The following PLEKHA5 variants were observed in gnomAD, a reference collection of about 807,000 sequenced individuals.
PLEKHA5 encodes the protein pleckstrin homology domain containing A5.
PLEKHA5 carries 55 observed loss-of-function variants against 181.9 expected under a neutral mutation model. The observed-to-expected ratio is 0.30, with a 90% CI of 0.24 to 0.38. PLEKHA5 has a LOEUF of 0.38. Among genes scored for constraint, PLEKHA5 ranks in the 10% least tolerant of loss-of-function variants. The pLI, the probability that PLEKHA5 is intolerant of heterozygous loss-of-function variation, is 1.00. For missense variants in PLEKHA5, 1,432 were observed against 1,549.5 expected, an observed-to-expected ratio of 0.92 and a Z score of 1.27; for synonymous variants, 535 against 529.4, an observed-to-expected ratio of 1.01 and a Z score of -0.15.
chr12:19,352,804 T>G (rs1040457032), intron 25 of PLEKHA5, among the ~76,000 whole-genome samples: 1 of 152,014 alleles, frequency 6.6e-6, no homozygotes, highest in African/African-American at 2.4e-5. Flanking sequence ...TTTTTTTGTT[T>G]TAAGGAGACA....
chr12:19,372,401 G>GTTT (rs968115181), intron 31 of PLEKHA5: 1 of 145,118 alleles, frequency 6.9e-6, no homozygotes, highest in South Asian at 2.2e-4. Flanking sequence ...ATTTGTTTTT[G>GTTT]TTTTTTTTTT....
intron 21 of PLEKHA5, among the ~76,000 whole-genome samples, chr12:19,342,770 C>A (rs928628241): frequency 2.0e-5 from 3 of 151,884 alleles, no homozygotes; most frequent in African/African-American, 7.3e-5. Context: ...GAGCAAGACT[C>A]TGTCTCAAAA....
At chr12:19,173,275 G>A (rs958543924) in intron 3 of PLEKHA5, among the ~76,000 whole-genome samples, 3 of 150,080 alleles carry the variant, frequency 2.0e-5, no homozygotes, top group Admixed American at 6.6e-5. Flanking sequence ...CACCCGCCTC[G>A]GCCTCCCAAA....
rs112124342 is a variant in PLEKHA5 at position 19,267,265 on chromosome 12, A to G, written c.711+1415A>G. ...GAAGTGCTGCTGGTTAACAATGAAC[A>G]TGTTTGTACCATTATAAAATTGATT... On this transcript the variant is annotated intron_variant, in intron 8 of 31. Coordinates refer to ENST00000429027, the MANE Select transcript of PLEKHA5 (RefSeq NM_001256470.2). Among the ~76,000 whole-genome samples the G allele has an allele frequency of 5.2e-3, 797 of 152,280 alleles. 4 individuals carry two copies. Among genetic ancestry groups the G allele is most frequent in the African/African-American group, 0.018 (764 of 41,566 alleles).
At chr12:19,354,771 C>T (rs1401246424) in intron 26 of PLEKHA5, among the ~76,000 whole-genome samples, 1 of 152,156 alleles carries the variant, frequency 6.6e-6, no homozygotes, top group African/African-American at 2.4e-5. Context: ...CGTGAGCCAC[C>T]GCGCCCGGCC....
intron 11 of PLEKHA5, among the ~76,000 whole-genome samples, chr12:19,282,679 A>T (rs1027033803): frequency 6.6e-6 from 1 of 152,222 alleles, no homozygotes; most frequent in Non-Finnish European, 1.5e-5. Flanking sequence ...AATAAAATAT[A>T]GTGACAGAAT....
chr12:19,323,854 A>G (rs2091499009), intron 20 of PLEKHA5, among the ~76,000 whole-genome samples: 1 of 151,690 alleles, frequency 6.6e-6, no homozygotes, highest in Non-Finnish European at 1.5e-5. Flanking sequence ...ACGTAACAGA[A>G]CCGTGTAACT....
intron 13 of PLEKHA5, among the ~76,000 whole-genome samples, chr12:19,289,944 T>TTTTA (rs1565573168): frequency 6.6e-6 from 1 of 151,830 alleles, no homozygotes; most frequent in Non-Finnish European, 1.5e-5. Context: ...TTATTTATTT[T>TTTTA]TTTATTTATT....
At position 19,328,796 on chromosome 12, in the gene PLEKHA5, A is replaced by G. The variant is rs535103325; in HGVS notation, c.2448+6129A>G. On this transcript the variant is annotated intron_variant, in intron 20 of 31. Transcript: ENST00000429027. ...ATTGTCCGTGAAGAGAGGTAATTTG[A>G]CTTCTTTTCCTATTTGGATGCATTT... Among the ~76,000 whole-genome samples, 8 of 151,954 alleles carry G rather than the reference A, an allele frequency of 5.3e-5. No homozygotes were observed. The South Asian group carries it at 1.5e-3, about 28-fold the overall frequency.
intron 15 of PLEKHA5, among the ~76,000 whole-genome samples, chr12:19,303,993 A>T (rs2082365142): frequency 6.7e-6 from 1 of 150,294 alleles, no homozygotes; most frequent in East Asian, 2.0e-4. Flanking sequence ...TTTTTTGTAG[A>T]GGGGGGGGTT....
Position 19,226,498 on chromosome 12 carries a change from A to G in PLEKHA5, c.228-27442A>G, listed in dbSNP as rs181636111. Among the ~76,000 whole-genome samples the G allele has an allele frequency of 9.2e-5, 14 of 152,260 alleles. No individual in the cohort carries two copies. In the East Asian group the frequency reaches 2.7e-3, roughly 29 times the overall value. On this transcript the variant is annotated intron_variant, in intron 3 of 31. Transcript: ENST00000429027. ...AGGTCATATGGCAATTTTGTGTCCAACTTTTTGAGCTAAACTGTTTTCCAT... is the reference window on the plus strand; with the variant it reads ...AGGTCATATGGCAATTTTGTGTCCAGCTTTTTGAGCTAAACTGTTTTCCAT...
chr12:19,224,472 A>C (rs1185992205), intron 3 of PLEKHA5, among the ~76,000 whole-genome samples: 1 of 152,164 alleles, frequency 6.6e-6, no homozygotes, highest in Non-Finnish European at 1.5e-5. Context: ...TACATGGTAT[A>C]AACCAGTTTT....
intron 15 of PLEKHA5, among the ~76,000 whole-genome samples, chr12:19,302,906 A>ATTTTT (rs34702332): frequency 0.023 from 1,265 of 54,134 alleles, 171 homozygotes; most frequent in South Asian, 0.053. Context: ...TCTGTATGAA[A>ATTTTT]TTTTTTTTTT....
intron 12 of PLEKHA5, among the ~76,000 whole-genome samples, chr12:19,285,752 C>T (rs556758500): frequency 6.6e-6 from 1 of 152,248 alleles, no homozygotes; most frequent in South Asian, 2.1e-4. Flanking sequence ...ATTCATGAAA[C>T]AGTAGAAAAT....
At chr12:19,344,558 A>T (rs748199637) in intron 22 of PLEKHA5, among the ~76,000 whole-genome samples, 2 of 152,222 alleles carry the variant, frequency 1.3e-5, no homozygotes, top group Non-Finnish European at 2.9e-5. Context: ...GAACATTATT[A>T]ATACATACAA....
chr12:19,360,465 G>A (rs2153232349), intron 28 of PLEKHA5, among the ~76,000 whole-genome samples: 1 of 151,912 alleles, frequency 6.6e-6, no homozygotes, highest in South Asian at 2.1e-4. Context: ...GAGTTAGCCA[G>A]GCACAGTGAC....
At chr12:19,299,460 A>G (rs1306912818) in intron 15 of PLEKHA5, among the ~76,000 whole-genome samples, 1 of 152,248 alleles carries the variant, frequency 6.6e-6, no homozygotes, top group African/African-American at 2.4e-5. Context: ...TCATTTAGTC[A>G]GCAAATCTCT....
chr12:19,168,812 G>A (rs1307525645), intron 3 of PLEKHA5, among the ~76,000 whole-genome samples: 1 of 152,148 alleles, frequency 6.6e-6, no homozygotes, highest in African/African-American at 2.4e-5. Context: ...AATGAATAAT[G>A]GTGAAATAAT....
intron 21 of PLEKHA5, among the ~76,000 whole-genome samples, chr12:19,337,723 G>A (rs998970378): frequency 1.3e-5 from 2 of 151,954 alleles, no homozygotes; most frequent in African/African-American, 2.4e-5. Context: ...TCAATACAAT[G>A]AATGAAAAAT....
Sources: allele counts gnomAD v4.1 joint callset (sites outside exome capture counted in the v4.1 genomes callset), GRCh38; gene constraint gnomAD v4.1.1; transcripts MANE v1.5; gene names NCBI Gene and HGNC (gene_info 2026-07-23, HGNC 2026-07-21).